PCDHGA12: variants seen among roughly 807,000 people sequenced by gnomAD.
PCDHGA12 encodes the protein protocadherin gamma-A12.
PCDHGA12 carries 43 observed loss-of-function variants against 61.1 expected under a neutral mutation model. The observed-to-expected ratio is 0.70, with a 90% CI of 0.55 to 0.91. PCDHGA12 has a LOEUF of 0.91. Among genes scored for constraint, PCDHGA12 ranks in the 40% least tolerant of loss-of-function variants. The pLI is 0.00. For missense variants in PCDHGA12, 1,236 were observed against 1,227.7 expected (o/e 1.01, Z -0.10); for synonymous variants, 520 against 542.9 (o/e 0.96, Z 0.59).
chr5:141,497,739 A>G (rs1180122239), intron 2 of PCDHGA12, among the ~76,000 whole-genome samples: 1 of 152,118 alleles, frequency 6.6e-6, no homozygotes, highest in Admixed American at 6.6e-5. Flanking sequence ...GGGTTTCGCC[A>G]CGTTGGCCAG....
In PCDHGA12 at chr5:141,489,739, G is replaced by A; in HGVS notation, c.2425-5068G>A. On this transcript the variant is annotated intron_variant, in intron 1 of 3. Transcript: ENST00000252085. The surrounding 1 kb of genome is among the most constrained non-coding windows in gnomAD (Gnocchi z 4.5). Reference sequence around the variant, plus strand: ...GGATCCGGATGTGGGCACCAATACTGTGAGCTTTTACACTCTAAGCCCCAA... The same window carrying A: ...GGATCCGGATGTGGGCACCAATACTATGAGCTTTTACACTCTAAGCCCCAA... 3 of 1,614,170 alleles carry A rather than the reference G, an allele frequency of 1.9e-6. No homozygotes were observed. The highest frequency in any genetic ancestry group is 2.2e-5 in the South Asian group (2 of 91,076).
intron 3 of PCDHGA12, chr5:141,507,335 T>A (rs1228652205): frequency 6.6e-6 from 1 of 151,804 alleles, no homozygotes; most frequent in Non-Finnish European, 1.5e-5. Context: ...TGCTCATTGT[T>A]TACCTGAAAT....
chr5:141,447,329 G>A (rs1328071539), intron 1 of PCDHGA12, among the ~76,000 whole-genome samples: 6 of 151,732 alleles, frequency 4.0e-5, no homozygotes, highest in Admixed American at 1.3e-4. Context: ...TAGTAGAGAC[G>A]GGTTTCATCA....
At chr5:141,466,809 C>T (rs1187657283) in intron 1 of PCDHGA12, among the ~76,000 whole-genome samples, 2 of 152,102 alleles carry the variant, frequency 1.3e-5, no homozygotes, top group African/African-American at 4.8e-5. Context: ...CCTATTCAGA[C>T]ATGGTATAAC....
Position 141,432,970 on chromosome 5 carries a change from G to C in PCDHGA12, c.2211G>C (p.Ala737=), listed in dbSNP as rs371130763. The change falls in exon 1 of 4, where the codon GCG becomes GCC. Residue 737 remains alanine (A), a synonymous_variant. Transcript: ENST00000252085. This position sits in a 1 kb window ranked among gnomAD's most constrained non-coding sequence, Gnocchi z 6.0. ...GAGGCGGCTTGACAGGAGCGCCGGC[G>C]TCGCACTTTGTGGGCGTGGACGGGG... is the stretch of plus-strand genomic sequence containing the variant. ...ASGGGLTGAP[A]SHFVGVDGVQ... 25 of 1,614,114 alleles carry C rather than the reference G, an allele frequency of 1.5e-5. No individual in the cohort carries two copies. Among genetic ancestry groups the C allele is most frequent in the African/African-American group, 1.1e-4 (8 of 75,054 alleles).
chr5:141,486,361 C>T lies in PCDHGA12; in HGVS notation c.2425-8446C>T. 1.2e-6 allele frequency: 2 copies of T among 1,614,086 alleles called. No individual in the cohort carries two copies. The highest frequency in any genetic ancestry group is 1.7e-6 in the Non-Finnish European group (2 of 1,179,994). On this transcript the variant is annotated intron_variant, in intron 1 of 3. Coordinates refer to ENST00000252085, the MANE Select transcript of PCDHGA12 (RefSeq NM_003735.3). This position sits in a 1 kb window ranked among gnomAD's most constrained non-coding sequence, Gnocchi z 5.0. ...GCATTCCTGACCACTTGCCATTTGCCCTCAAGTCTGCCTTCAGGAACCAGT... is the reference window on the plus strand; with the variant it reads ...GCATTCCTGACCACTTGCCATTTGCTCTCAAGTCTGCCTTCAGGAACCAGT...
intron 2 of PCDHGA12, among the ~76,000 whole-genome samples, chr5:141,501,052 A>G (rs1007055288): frequency 6.6e-6 from 1 of 151,988 alleles, no homozygotes; most frequent in Non-Finnish European, 1.5e-5. Flanking sequence ...TATTTTTAGT[A>G]GAGACGGGGT....
chr5:141,459,295 A>C (rs571675117), intron 1 of PCDHGA12, among the ~76,000 whole-genome samples: 2 of 152,368 alleles, frequency 1.3e-5, no homozygotes, highest in South Asian at 4.1e-4. Context: ...ATGGAATCCT[A>C]TAACATATAC....
At chr5:141,473,988 G>T (rs1006988447) in intron 1 of PCDHGA12, among the ~76,000 whole-genome samples, 2 of 152,118 alleles carry the variant, frequency 1.3e-5, no homozygotes, top group Middle Eastern at 3.2e-3. Context: ...AGGATCCCTT[G>T]AGCCCAAGGA....
Position 141,485,187 on chromosome 5 carries a change from T to A in PCDHGA12, c.2425-9620T>A, listed in dbSNP as rs1325714839. ...CGGGCGGCAGCAATGCTCCGCAAGG[T>A]GAGAAGCTGGACAGAAATCTGGCGG... On this transcript the variant is annotated intron_variant, in intron 1 of 3. Transcript: ENST00000252085. This position sits in a 1 kb window ranked among gnomAD's most constrained non-coding sequence, Gnocchi z 5.7. 1 of 1,613,502 alleles carries A rather than the reference T, an allele frequency of 6.2e-7. No individual in the cohort carries two copies. The highest frequency in any genetic ancestry group is 1.7e-5 in the Admixed American group (1 of 60,018).
rs1460703461 is a variant in PCDHGA12 at position 141,490,596 on chromosome 5, C to G, written c.2425-4211C>G. 2.5e-6 allele frequency: 4 copies of G among 1,614,052 alleles called. No homozygotes were observed. The African/African-American group carries it at 4.0e-5, about 16-fold the overall frequency. On this transcript the variant is annotated intron_variant, in intron 1 of 3. Transcript: ENST00000252085. The surrounding 1 kb of genome is among the most constrained non-coding windows in gnomAD (Gnocchi z 5.4). Reference sequence around the variant, plus strand: ...TTTCAGATGTCAATGACAATGCACCCCGCTTCAACCAGCAGCTTTACACTG... The same window carrying G: ...TTTCAGATGTCAATGACAATGCACCGCGCTTCAACCAGCAGCTTTACACTG...
In PCDHGA12 at chr5:141,477,442, A is replaced by G; in HGVS notation, c.2425-17365A>G. The G allele has an allele frequency of 6.2e-7, 1 of 1,614,132 alleles. No individual in the cohort carries two copies. Among genetic ancestry groups the G allele is most frequent in the Non-Finnish European group, 8.5e-7 (1 of 1,180,022 alleles). ...CCCCTTCCCTCTCAGCCCTTACAAT[A>G]GTGCGTGTTCAAGTGTCCGACATCA... On this transcript the variant is annotated intron_variant, in intron 1 of 3. Coordinates refer to ENST00000252085, the MANE Select transcript of PCDHGA12 (RefSeq NM_003735.3). This position sits in a 1 kb window ranked among gnomAD's most constrained non-coding sequence, Gnocchi z 4.9.
At chr5:141,438,290 A>G (rs1043285243) in intron 1 of PCDHGA12, among the ~76,000 whole-genome samples, 5 of 152,074 alleles carry the variant, frequency 3.3e-5, no homozygotes, top group East Asian at 3.9e-4. Flanking sequence ...TTTAATCTGT[A>G]TGTAAAAGAA....
rs183968443 is a variant in PCDHGA12 at position 141,495,033 on chromosome 5, G to A, written c.2483+168G>A. On this transcript the variant is annotated intron_variant, in intron 2 of 3. Coordinates refer to ENST00000252085, the MANE Select transcript of PCDHGA12 (RefSeq NM_003735.3). ...GGGGCTGGCACACAGACCCCGGAAG[G>A]AAGAGGCGACTGCCCTGACTGTTCA... is the stretch of plus-strand genomic sequence containing the variant. 1.4e-3 allele frequency: 1,380 copies of A among 968,234 alleles called. 4 individuals are homozygous for A. Among genetic ancestry groups the A allele is most frequent in the Middle Eastern group, 5.3e-3 (10 of 1,888 alleles). 60.0% of individuals were successfully genotyped at this position (968,234 alleles called of 1,614,324 possible).
At chr5:141,462,100 G>T (rs1202526885) in intron 1 of PCDHGA12, among the ~76,000 whole-genome samples, 1 of 152,164 alleles carries the variant, frequency 6.6e-6, no homozygotes, top group Non-Finnish European at 1.5e-5. Flanking sequence ...TGGGATTACA[G>T]GCATGAGCCA....
At chr5:141,510,910 A>T (rs780792326) in intron 3 of PCDHGA12, 37 bp from the exon 4 acceptor site, 1 of 1,613,740 alleles carries the variant, frequency 6.2e-7, no homozygotes, top group East Asian at 2.2e-5. Flanking sequence ...GAGGACCCTA[A>T]GTTTAGCTCC....
Position 141,489,902 on chromosome 5 carries a change from C to A in PCDHGA12, c.2425-4905C>A. ...ACTGCTGTGGATGGGGGGACCCCAGCCCGCTCAGGGACCACCCTTATCTCT... is the reference window on the plus strand; with the variant it reads ...ACTGCTGTGGATGGGGGGACCCCAGACCGCTCAGGGACCACCCTTATCTCT... On this transcript the variant is annotated intron_variant, in intron 1 of 3. Transcript: ENST00000252085. The surrounding 1 kb of genome is among the most constrained non-coding windows in gnomAD (Gnocchi z 4.5). 1 of 1,614,218 alleles carries A rather than the reference C, an allele frequency of 6.2e-7. No individual in the cohort carries two copies. The highest frequency in any genetic ancestry group is 8.5e-7 in the Non-Finnish European group (1 of 1,180,032).
At chr5:141,446,208 G>GAT (rs1387839424) in intron 1 of PCDHGA12, among the ~76,000 whole-genome samples, 1 of 152,156 alleles carries the variant, frequency 6.6e-6, no homozygotes, top group Non-Finnish European at 1.5e-5. Context: ...CTAGGTGTCT[G>GAT]AAAATATTGT....
At chr5:141,503,517 T>C (rs6878542) in intron 2 of PCDHGA12, among the ~76,000 whole-genome samples, 77,350 of 150,132 alleles carry the variant, frequency 0.52, 20,504 homozygotes, top group African/African-American at 0.63. Flanking sequence ...GAGAATCACT[T>C]GAACCTGGGA....
Sources: gnomAD v4.1 joint callset for allele counts (sites outside exome capture counted in the v4.1 genomes callset) on GRCh38, gnomAD v4.1.1 for gene constraint, Gnocchi (gnomAD v3.1) non-coding constraint, MANE v1.5 for transcripts, NCBI Gene and HGNC (gene_info 2026-07-23, HGNC 2026-07-21) for gene names.